The following SGCZ variants were observed in gnomAD, a reference collection of about 807,000 sequenced individuals.
The protein encoded by SGCZ is sarcoglycan zeta.
SGCZ carries 40 observed loss-of-function variants against 41.3 expected under a neutral mutation model. That is an observed-to-expected ratio of 0.97 (90% CI 0.75 to 1.26). SGCZ has a LOEUF of 1.26. Ranked by LOEUF, SGCZ falls within the 50% of genes most tolerant of loss-of-function variation. The pLI, the probability that SGCZ is intolerant of heterozygous loss-of-function variation, is 0.00. For synonymous variants in SGCZ, 206 were observed against 137.5 expected, an observed-to-expected ratio of 1.50 and a Z score of -3.49; for missense variants, 552 against 369.8, an observed-to-expected ratio of 1.49 and a Z score of -4.04.
At chr8:14,840,103 C>T (rs1245094004) in intron 1 of SGCZ, among the ~76,000 whole-genome samples, 2 of 151,884 alleles carry the variant, frequency 1.3e-5, no homozygotes, top group Non-Finnish European at 2.9e-5. Context: ...AATGAACACA[C>T]CTTAAAGAAA....
At chr8:14,841,639 G>A (rs911897267) in intron 1 of SGCZ, among the ~76,000 whole-genome samples, 2 of 152,056 alleles carry the variant, frequency 1.3e-5, no homozygotes, top group East Asian at 3.8e-4. Context: ...TTATTATGTC[G>A]ATGGCCAAGA....
At position 14,122,888 on chromosome 8, in the gene SGCZ, T is replaced by G. The variant is rs574839674; in HGVS notation, c.548-14653A>C. On this transcript the variant is annotated intron_variant, in intron 5 of 7. Transcript: ENST00000382080. ...TTCTTTAAAAAGTGAGCCAGCTACC[T>G]CAACAAAATGTTTATCATTCTTTTT... Among the ~76,000 whole-genome samples the G allele has an allele frequency of 2.6e-5, 4 of 152,348 alleles. No homozygotes were observed. The South Asian group carries it at 8.3e-4, about 32-fold the overall frequency.
intron 2 of SGCZ, among the ~76,000 whole-genome samples, chr8:14,373,484 T>C (rs1037193506): frequency 1.3e-5 from 2 of 152,144 alleles, no homozygotes; most frequent in African/African-American, 4.8e-5. Flanking sequence ...TAAAAATAAG[T>C]GAGCTCTCAA....
intron 1 of SGCZ, among the ~76,000 whole-genome samples, chr8:14,873,577 G>C (rs59027009): frequency 6.6e-6 from 1 of 151,788 alleles, no homozygotes. Context: ...TGCATTTTCA[G>C]AGGTAAAGCA....
chr8:14,509,143 T>G (rs1219481413), intron 2 of SGCZ, among the ~76,000 whole-genome samples: 1 of 152,140 alleles, frequency 6.6e-6, no homozygotes. Flanking sequence ...GCATCATTAA[T>G]AGTAAATTTA....
intron 1 of SGCZ, among the ~76,000 whole-genome samples, chr8:14,936,433 C>T (rs1057348848): frequency 4.0e-5 from 6 of 151,674 alleles, no homozygotes; most frequent in Non-Finnish European, 5.9e-5. Flanking sequence ...ATGAATATCT[C>T]GTAATTTATT....
intron 1 of SGCZ, among the ~76,000 whole-genome samples, chr8:14,576,316 G>C (rs76525052): frequency 6.6e-6 from 1 of 152,152 alleles, no homozygotes; most frequent in African/African-American, 2.4e-5. Flanking sequence ...GCTTCACAAT[G>C]AAAGTCTATC....
intron 2 of SGCZ, among the ~76,000 whole-genome samples, chr8:14,507,657 G>T (rs1450307854): frequency 2.6e-5 from 4 of 152,054 alleles, no homozygotes; most frequent in Non-Finnish European, 2.9e-5. Flanking sequence ...ATTCTTTGTC[G>T]ATGTACTTTC....
At chr8:15,071,183 G>A (rs190023112) in intron 1 of SGCZ, among the ~76,000 whole-genome samples, 1 of 152,234 alleles carries the variant, frequency 6.6e-6, no homozygotes, top group East Asian at 1.9e-4. Context: ...GCTTTATAAT[G>A]TTTAAGTAAT....
At chr8:15,171,091 A>G (rs1412422604) in intron 1 of SGCZ, among the ~76,000 whole-genome samples, 1 of 152,246 alleles carries the variant, frequency 6.6e-6, no homozygotes, top group Non-Finnish European at 1.5e-5. Context: ...AATTTTACCT[A>G]GACAAAAGAT....
intron 1 of SGCZ, among the ~76,000 whole-genome samples, chr8:14,893,884 T>C (rs1300927334): frequency 6.6e-6 from 1 of 152,190 alleles, no homozygotes; most frequent in African/African-American, 2.4e-5. Flanking sequence ...AGTACTAACT[T>C]TACTTAGTAA....
chr8:14,230,717 A>G (rs553485557), intron 4 of SGCZ, among the ~76,000 whole-genome samples: 3 of 149,462 alleles, frequency 2.0e-5, no homozygotes, highest in Non-Finnish European at 3.0e-5. Context: ...AATAATTTTA[A>G]TTGAACATAT....
At chr8:14,561,715 T>C (rs920975213) in intron 1 of SGCZ, among the ~76,000 whole-genome samples, 1 of 152,180 alleles carries the variant, frequency 6.6e-6, no homozygotes, top group African/African-American at 2.4e-5. Context: ...TTACTTTAAA[T>C]GCATTTACTT....
chr8:14,540,764 T>A (rs1803441055), intron 2 of SGCZ, among the ~76,000 whole-genome samples: 1 of 151,874 alleles, frequency 6.6e-6, no homozygotes, highest in Non-Finnish European at 1.5e-5. Flanking sequence ...AATTATATTA[T>A]CTCATGGAAA....
At chr8:15,036,535 T>C (rs1441518972) in intron 1 of SGCZ, among the ~76,000 whole-genome samples, 1 of 151,966 alleles carries the variant, frequency 6.6e-6, no homozygotes, top group African/African-American at 2.4e-5. Flanking sequence ...CAAACATTCA[T>C]GTCCTACACG....
chr8:14,256,579 A>G (rs1799473654), intron 3 of SGCZ, among the ~76,000 whole-genome samples: 1 of 152,128 alleles, frequency 6.6e-6, no homozygotes, highest in African/African-American at 2.4e-5. Context: ...CTCCTCCCTG[A>G]AGGTTTAAAC....
intron 1 of SGCZ, among the ~76,000 whole-genome samples, chr8:14,834,109 G>C (rs965819782): frequency 1.6e-4 from 24 of 152,080 alleles, no homozygotes; most frequent in African/African-American, 5.6e-4. Context: ...AAGGGCTTTA[G>C]ATTTTTTTTT....
Position 14,270,326 on chromosome 8 carries a change from C to T in SGCZ, c.337-32647G>A, listed in dbSNP as rs1013906631. On this transcript the variant is annotated intron_variant, in intron 3 of 7. Transcript: ENST00000382080. ...CTGCCTGGGTAACAGAGTAAAACTC[C>T]GTCTCAAAAAAAAAATTAATTAAAA... 5.3e-5 allele frequency among the ~76,000 whole-genome samples: 8 copies of T among 151,256 alleles called. No individual in the cohort carries two copies. In the East Asian group the frequency reaches 5.8e-4, roughly 11 times the overall value.
At chr8:14,433,856 G>C (rs558023758) in intron 2 of SGCZ, among the ~76,000 whole-genome samples, 3 of 152,152 alleles carry the variant, frequency 2.0e-5, no homozygotes, top group African/African-American at 7.2e-5. Context: ...GAATCTTCAG[G>C]CAACAACTGT....
Sources: gnomAD v4.1 joint callset for allele counts (sites outside exome capture counted in the v4.1 genomes callset) on GRCh38, gnomAD v4.1.1 for gene constraint, MANE v1.5 for transcripts, NCBI Gene and HGNC (gene_info 2026-07-23, HGNC 2026-07-21) for gene names.